The following ZFHX3 variants were observed in gnomAD, a reference collection of about 807,000 sequenced individuals.
The protein encoded by ZFHX3 is zinc finger homeobox 3, also known as zinc finger homeobox protein 3.
Under a neutral mutation model 279.1 loss-of-function variants are expected in ZFHX3, and 42 were observed. That is an observed-to-expected ratio of 0.15 (90% CI 0.12 to 0.19). The LOEUF (loss-of-function observed/expected upper bound fraction) is 0.19. Ranked by LOEUF, ZFHX3 falls within the 10% of genes least tolerant of loss-of-function variation. The pLI, the probability that ZFHX3 is intolerant of heterozygous loss-of-function variation, is 1.00. For missense variants in ZFHX3, 4,981 were observed against 4,754.0 expected (o/e 1.05, Z -1.40); for synonymous variants, 2,293 against 1,957.8 (o/e 1.17, Z -4.52).
chr16:72,800,896 TCAATA>T (rs2036079266), intron 7 of ZFHX3, among the ~76,000 whole-genome samples: 1 of 152,138 alleles, frequency 6.6e-6, no homozygotes, highest in Non-Finnish European at 1.5e-5. Flanking sequence ...CCATTTTTTC[TCAATA>T]CAGCAGTTCT....
intron 1 of ZFHX3, among the ~76,000 whole-genome samples, chr16:73,714,344 A>G (rs1036264507): frequency 1.3e-5 from 2 of 152,128 alleles, no homozygotes; most frequent in Non-Finnish European, 2.9e-5. Flanking sequence ...GATGTCAGAC[A>G]ACATTTCCCT....
At chr16:73,124,557 T>G (rs1270830731) in intron 7 of ZFHX3, among the ~76,000 whole-genome samples, 1 of 152,216 alleles carries the variant, frequency 6.6e-6, no homozygotes, top group Non-Finnish European at 1.5e-5. Flanking sequence ...GATATAATCC[T>G]GGACACGTTT....
intron 4 of ZFHX3, among the ~76,000 whole-genome samples, chr16:72,882,323 A>G (rs1354030761): frequency 6.6e-6 from 1 of 152,106 alleles, no homozygotes; most frequent in African/African-American, 2.4e-5. Context: ...CCCTTGACCA[A>G]GAACAACACT....
rs183601549 is a variant in ZFHX3, at chr16:72,882,573, G to A, written c.3448+7158C>T. 2.6e-5 allele frequency among the ~76,000 whole-genome samples: 4 copies of A among 152,244 alleles called. No homozygotes were observed. In the East Asian group the frequency reaches 7.7e-4, roughly 29 times the overall value. On this transcript the variant is annotated intron_variant, in intron 4 of 9. Transcript: ENST00000268489. ...CCAGGACACAGGAGGCTGGGTACGA[G>A]GCTGCACGCTCAACCCACTGCCCAC...
intron 2 of ZFHX3, among the ~76,000 whole-genome samples, chr16:73,471,871 TTCTGAGACA>T: frequency 6.6e-6 from 1 of 152,124 alleles, no homozygotes; most frequent in Non-Finnish European, 1.5e-5. Context: ...CCCTGCAGCA[TTCTGAGACA>T]TCTGAGAGGA....
At chr16:73,823,533 T>C (rs1960811891) in intron 1 of ZFHX3, among the ~76,000 whole-genome samples, 1 of 152,224 alleles carries the variant, frequency 6.6e-6, no homozygotes, top group East Asian at 1.9e-4. Context: ...GAATCTAGAA[T>C]AGGGGTTGAC....
At chr16:73,032,572 C>G (rs1964744216) in intron 1 of ZFHX3, among the ~76,000 whole-genome samples, 1 of 152,176 alleles carries the variant, frequency 6.6e-6, no homozygotes. Flanking sequence ...ACCAAAATAA[C>G]TAGCCTTCCC....
chr16:73,514,956 A>G (rs1211569116), intron 2 of ZFHX3, among the ~76,000 whole-genome samples: 1 of 152,162 alleles, frequency 6.6e-6, no homozygotes, highest in Non-Finnish European at 1.5e-5. Context: ...AGCTGCCCTT[A>G]GCCATTTTTA....
intron 1 of ZFHX3, among the ~76,000 whole-genome samples, chr16:73,814,558 T>C (rs919580615): frequency 6.6e-6 from 1 of 151,936 alleles, no homozygotes; most frequent in East Asian, 1.9e-4. Flanking sequence ...CTTACTTACA[T>C]AGTTCACAAC....
At chr16:72,917,612 T>C (rs1567582818) in intron 3 of ZFHX3, among the ~76,000 whole-genome samples, 1 of 152,234 alleles carries the variant, frequency 6.6e-6, no homozygotes, top group South Asian at 2.1e-4. Context: ...AGGTCACACA[T>C]TGTAAAGCTT....
chr16:73,722,831 A>T (rs1353873856), intron 1 of ZFHX3, among the ~76,000 whole-genome samples: 2 of 152,188 alleles, frequency 1.3e-5, no homozygotes, highest in Non-Finnish European at 2.9e-5. Flanking sequence ...TATCTCTTTA[A>T]ATAATGCAGG....
At chr16:73,591,714 AAAAAG>A (rs1263213942) in intron 2 of ZFHX3, among the ~76,000 whole-genome samples, 1 of 145,242 alleles carries the variant, frequency 6.9e-6, no homozygotes, top group Non-Finnish European at 1.5e-5. Flanking sequence ...AAAAAAAAAA[AAAAAG>A]AAAAGAAAAG....
intron 5 of ZFHX3, among the ~76,000 whole-genome samples, chr16:73,226,694 G>T (rs1234839801): frequency 6.6e-6 from 1 of 152,172 alleles, no homozygotes; most frequent in Non-Finnish European, 1.5e-5. Context: ...TCATATATTT[G>T]AATTCTTCCA....
At chr16:73,701,842 G>A (rs1000139121) in intron 1 of ZFHX3, among the ~76,000 whole-genome samples, 2 of 151,292 alleles carry the variant, frequency 1.3e-5, no homozygotes, top group African/African-American at 4.9e-5. Context: ...TAATGTTGCA[G>A]ATATTGAAAA....
intron 2 of ZFHX3, among the ~76,000 whole-genome samples, chr16:73,517,592 C>G (rs1291482893): frequency 1.3e-5 from 2 of 152,262 alleles, no homozygotes; most frequent in African/African-American, 4.8e-5. Flanking sequence ...AAGAGTGAAA[C>G]CACAATGAGG....
chr16:72,835,070 CACA>C (rs974146619), intron 4 of ZFHX3, among the ~76,000 whole-genome samples: 2 of 152,114 alleles, frequency 1.3e-5, no homozygotes, highest in Admixed American at 1.3e-4. Flanking sequence ...CCGAGGCTCT[CACA>C]TGATCATGTT....
chr16:73,743,167 G>A (rs892503809), intron 1 of ZFHX3, among the ~76,000 whole-genome samples: 1 of 152,108 alleles, frequency 6.6e-6, no homozygotes, highest in African/African-American at 2.4e-5. Context: ...TCTACTTAAT[G>A]ATATAATTCA....
intron 8 of ZFHX3, chr16:73,093,129 A>G (rs745791703): frequency 1.9e-6 from 1 of 520,062 alleles, no homozygotes. Flanking sequence ...GAAAACAAGA[A>G]CAACCCCGAC....
chr16:73,608,065 C>T (rs2052208554), intron 2 of ZFHX3, among the ~76,000 whole-genome samples: 1 of 150,744 alleles, frequency 6.6e-6, no homozygotes, highest in African/African-American at 2.5e-5. Flanking sequence ...CAGAACAAGA[C>T]TCTGTCTCAA....
Sources: gnomAD v4.1 joint callset for allele counts (sites outside exome capture counted in the v4.1 genomes callset) on GRCh38, gnomAD v4.1.1 for gene constraint, MANE v1.5 for transcripts, NCBI Gene and HGNC (gene_info 2026-07-23, HGNC 2026-07-21) for gene names.